The following BCAS4 variants were observed in gnomAD, a reference collection of about 807,000 sequenced individuals.
BCAS4 encodes breast carcinoma-amplified sequence 4.
A neutral mutation model predicts 15.7 loss-of-function variants in BCAS4; 9 were observed. The ratio of observed to expected loss-of-function variants is 0.57; its 90% CI spans 0.34 to 1.00. BCAS4 has a LOEUF of 1.00. Among genes scored for constraint, BCAS4 ranks in the 50% least tolerant of loss-of-function variants. BCAS4 has a pLI of 0.02. For synonymous variants in BCAS4, 101 were observed against 99.5 expected (o/e 1.02, Z -0.09); for missense variants, 225 against 239.1 (o/e 0.94, Z 0.39).
intron 4 of BCAS4, among the ~76,000 whole-genome samples, chr20:50,860,713 TA>T (rs1979023322): frequency 6.6e-6 from 1 of 151,916 alleles, no homozygotes; most frequent in Non-Finnish European, 1.5e-5. Flanking sequence ...CCGTCTCTAC[TA>T]AAAATACAAA....
Position 50,856,242 on chromosome 20 carries a change from T to G in BCAS4, c.399+14342T>G, listed in dbSNP as rs532050751. Reference sequence around the variant, plus strand: ...TCTGGAAAAGGTGCAATCCCTTTGATGCCCACGGAGCCTGGGAAGTACTTG... The same window carrying G: ...TCTGGAAAAGGTGCAATCCCTTTGAGGCCCACGGAGCCTGGGAAGTACTTG... On this transcript the variant is annotated intron_variant, in intron 4 of 4. Coordinates refer to ENST00000371608, the MANE Select transcript of BCAS4 (RefSeq NM_198799.4). Among the ~76,000 whole-genome samples, 110 of 152,352 alleles carry G rather than the reference T, an allele frequency of 7.2e-4. 1 individual carries two copies. The highest frequency in any genetic ancestry group is 2.1e-3 in the African/African-American group (87 of 41,590).
At chr20:50,852,775 A>G (rs1275951418) in intron 4 of BCAS4, among the ~76,000 whole-genome samples, 3 of 152,220 alleles carry the variant, frequency 2.0e-5, no homozygotes, top group South Asian at 2.1e-4. Context: ...AAATCTCCTC[A>G]GGGCCCTTGG....
intron 1 of BCAS4, among the ~76,000 whole-genome samples, chr20:50,805,191 C>T (rs1173528022): frequency 6.6e-6 from 1 of 152,084 alleles, no homozygotes; most frequent in Non-Finnish European, 1.5e-5. Context: ...CAACCACAAC[C>T]AATTTTAGAA....
chr20:50,829,523 G>A (rs541389823), intron 2 of BCAS4, among the ~76,000 whole-genome samples: 13 of 152,152 alleles, frequency 8.5e-5, no homozygotes, highest in African/African-American at 3.1e-4. Flanking sequence ...GATTACAGGC[G>A]TGAGCCACCA....
intron 4 of BCAS4, chr20:50,876,087 A>G (rs1600911558): frequency 6.6e-6 from 3 of 452,966 alleles, no homozygotes; most frequent in Admixed American, 4.8e-5. Flanking sequence ...AGTAGCTGGG[A>G]TTACAGGTGC....
intron 4 of BCAS4, among the ~76,000 whole-genome samples, chr20:50,872,935 G>A (rs1318526507): frequency 2.0e-5 from 3 of 152,194 alleles, no homozygotes; most frequent in Admixed American, 6.5e-5. Context: ...TGGAGCCCCT[G>A]GGGGCTCCTA....
intron 4 of BCAS4, among the ~76,000 whole-genome samples, chr20:50,861,083 G>A (rs1008288702): frequency 1.3e-5 from 2 of 151,994 alleles, no homozygotes; most frequent in African/African-American, 2.4e-5. Flanking sequence ...AGAGATTTGA[G>A]CGTGGAGTTC....
At chr20:50,816,172 C>T (rs927788855) in intron 1 of BCAS4, among the ~76,000 whole-genome samples, 2 of 151,700 alleles carry the variant, frequency 1.3e-5, no homozygotes, top group South Asian at 2.1e-4. Flanking sequence ...ACTACAGACG[C>T]GTGCCACCAC....
intron 4 of BCAS4, among the ~76,000 whole-genome samples, chr20:50,870,923 G>A (rs1979605623): frequency 2.0e-5 from 3 of 152,280 alleles, no homozygotes; most frequent in South Asian, 2.1e-4. Flanking sequence ...GCTCACAGCC[G>A]TGTCAGGTTT....
chr20:50,867,272 C>T (rs1191376228), intron 4 of BCAS4, among the ~76,000 whole-genome samples: 2 of 152,192 alleles, frequency 1.3e-5, no homozygotes, highest in Non-Finnish European at 2.9e-5. Flanking sequence ...CCCCAGCCTC[C>T]TCTGGCCTAT....
At chr20:50,852,966 G>C (rs548232162) in intron 4 of BCAS4, among the ~76,000 whole-genome samples, 1 of 152,204 alleles carries the variant, frequency 6.6e-6, no homozygotes, top group South Asian at 2.1e-4. Context: ...GGCTGGTCTG[G>C]GTTCACTTTG....
intron 4 of BCAS4, among the ~76,000 whole-genome samples, chr20:50,858,034 G>A (rs1442892609): frequency 4.6e-5 from 7 of 151,964 alleles, no homozygotes; most frequent in South Asian, 2.1e-4. Flanking sequence ...TGTCTGCTCC[G>A]GGAGCTGCCA....
chr20:50,815,307 C>T (rs933283978), intron 1 of BCAS4, among the ~76,000 whole-genome samples: 1 of 152,202 alleles, frequency 6.6e-6, no homozygotes, highest in Non-Finnish European at 1.5e-5. Flanking sequence ...CCCGCTGGGG[C>T]ATGGGCTTCC....
chr20:50,818,333 C>CCTGGG, intron 2 of BCAS4, 51 bp downstream of exon 2: 1 of 1,191,118 alleles, frequency 8.4e-7, no homozygotes, highest in Non-Finnish European at 1.1e-6. Flanking sequence ...AGACTTCAGG[C>CCTGGG]CCTTGCTGGA....
At chr20:50,796,944 C>T (rs1438185017) in intron 1 of BCAS4, among the ~76,000 whole-genome samples, 1 of 151,938 alleles carries the variant, frequency 6.6e-6, no homozygotes, top group African/African-American at 2.4e-5. Flanking sequence ...GATCCTCCCA[C>T]CTCAGCCTCC....
In BCAS4 at chr20:50,851,015, AC is replaced by A. The variant is rs11475427; in HGVS notation, c.399+9122del. ...GCTCAGCGTGCTCCCCTCCCCAGCG[AC>A]CCCCCCAGCTCCCGCCCCTTGCCTC... On this transcript the variant is annotated intron_variant, in intron 4 of 4. Coordinates refer to ENST00000371608, the MANE Select transcript of BCAS4 (RefSeq NM_198799.4). The surrounding 1 kb of genome is among the most constrained non-coding windows in gnomAD (Gnocchi z 4.3). 1 allele frequency among the ~76,000 whole-genome samples: 151,757 copies of A among 151,762 alleles called. 75,876 individuals are homozygous for A. The highest frequency in any genetic ancestry group is 1 in the Middle Eastern group (294 of 294).
intron 1 of BCAS4, among the ~76,000 whole-genome samples, chr20:50,811,304 G>T (rs1176214132): frequency 1.3e-5 from 2 of 152,192 alleles, no homozygotes; most frequent in African/African-American, 4.8e-5. Flanking sequence ...GTTGGAGGCT[G>T]CAGTGAGCTA....
chr20:50,871,242 C>T (rs1384068903), intron 4 of BCAS4, among the ~76,000 whole-genome samples: 2 of 152,218 alleles, frequency 1.3e-5, no homozygotes, highest in Non-Finnish European at 2.9e-5. Flanking sequence ...TCCCTCCCTC[C>T]CGGGACCCCT....
At chr20:50,848,612 C>A (rs980386528) in intron 4 of BCAS4, among the ~76,000 whole-genome samples, 7 of 152,190 alleles carry the variant, frequency 4.6e-5, no homozygotes, top group Non-Finnish European at 8.8e-5. Flanking sequence ...AGGGACTTGG[C>A]CAAATTTGCT....
Sources: allele counts gnomAD v4.1 joint callset (sites outside exome capture counted in the v4.1 genomes callset), GRCh38; gene constraint gnomAD v4.1.1; non-coding constraint Gnocchi (gnomAD v3.1); transcripts MANE v1.5; gene names NCBI Gene and HGNC (gene_info 2026-07-23, HGNC 2026-07-21).